Variants in PRDM16 observed in about 807,000 individuals in gnomAD.
PRDM16 encodes the protein histone-lysine N-methyltransferase PRDM16.
A neutral mutation model predicts 110.6 loss-of-function variants in PRDM16; 23 were observed. The ratio of observed to expected loss-of-function variants is 0.21; its 90% CI spans 0.15 to 0.29. The LOEUF is 0.29. Ranked by LOEUF, PRDM16 falls within the 10% of genes least tolerant of loss-of-function variation. The probability of loss-of-function intolerance (pLI) is 1.00; values close to 1 mark genes in which losing one functional copy is unlikely to be tolerated. For missense variants in PRDM16, 1,615 were observed against 1,794.3 expected (o/e 0.90, Z 1.81); for synonymous variants, 799 against 781.8 (o/e 1.02, Z -0.37).
chr1:3,226,401 C>G (rs1395525632), intron 2 of PRDM16, among the ~76,000 whole-genome samples: 1 of 152,200 alleles, frequency 6.6e-6, no homozygotes, highest in Admixed American at 6.5e-5. Context: ...CCGGATCCCT[C>G]CACGGCTTCC....
At chr1:3,090,688 C>T (rs765823504) in intron 1 of PRDM16, among the ~76,000 whole-genome samples, 3 of 152,254 alleles carry the variant, frequency 2.0e-5, no homozygotes, top group Non-Finnish European at 4.4e-5. Context: ...CAACAGGTCA[C>T]GTCAGAACCC....
intron 3 of PRDM16, among the ~76,000 whole-genome samples, chr1:3,286,380 GC>G (rs1640844564): frequency 6.6e-6 from 1 of 152,202 alleles, no homozygotes; most frequent in Non-Finnish European, 1.5e-5. Flanking sequence ...GCCTGGCAGA[GC>G]CCCAGGTGGG....
At chr1:3,320,935 C>T (rs940301689) in intron 3 of PRDM16, among the ~76,000 whole-genome samples, 4 of 152,208 alleles carry the variant, frequency 2.6e-5, no homozygotes, top group Non-Finnish European at 4.4e-5. Context: ...CCCACTTGAT[C>T]CAGCCCCCAG....
chr1:3,086,033 C>G (rs1293223410), intron 1 of PRDM16, among the ~76,000 whole-genome samples: 1 of 152,252 alleles, frequency 6.6e-6, no homozygotes, highest in Non-Finnish European at 1.5e-5. Flanking sequence ...TGGCCTAAGT[C>G]AGTCTCAGAA....
chr1:3,385,055 T>G, intron 3 of PRDM16, 97 bp from the exon 4 acceptor site: 39 of 1,489,672 alleles, frequency 2.6e-5, no homozygotes, highest in Non-Finnish European at 3.3e-5. Context: ...CCTTCCTACT[T>G]GAGCCCAAAC....
intron 3 of PRDM16, among the ~76,000 whole-genome samples, chr1:3,301,057 ACAGTGG>A (rs1483321188): frequency 6.6e-6 from 1 of 152,224 alleles, no homozygotes. Flanking sequence ...TGGGCCGGGC[ACAGTGG>A]CTCATACCTG....
intron 3 of PRDM16, among the ~76,000 whole-genome samples, chr1:3,281,807 G>A (rs753305833): frequency 1.4e-4 from 22 of 152,260 alleles, no homozygotes; most frequent in Non-Finnish European, 2.8e-4. Flanking sequence ...GCTATGGTCC[G>A]ATCGATGAGT....
At chr1:3,216,288 C>T (rs1225832393) in intron 2 of PRDM16, among the ~76,000 whole-genome samples, 1 of 152,084 alleles carries the variant, frequency 6.6e-6, no homozygotes, top group African/African-American at 2.4e-5. Context: ...AAGCGTCCAA[C>T]CCGCAGAAAG....
At chr1:3,259,459 TG>T (rs2100245962) in intron 3 of PRDM16, among the ~76,000 whole-genome samples, 1 of 152,318 alleles carries the variant, frequency 6.6e-6, no homozygotes, top group East Asian at 1.9e-4. Flanking sequence ...TGGTGAGTTC[TG>T]GGGGCCACAC....
Position 3,405,356 on chromosome 1 carries a change from G to A in PRDM16, c.1033-139G>A, listed in dbSNP as rs577172186. 265 of 965,210 alleles carry A rather than the reference G, an allele frequency of 2.7e-4. No homozygotes were observed. In the African/African-American group the frequency reaches 3.0e-3, roughly 11 times the overall value. The allele number at this position is 965,210 out of a possible 1,614,324, so 59.8% of individuals were successfully genotyped here. A position where few individuals can be genotyped will look rare whatever the true frequency, so the allele number is the denominator to read the frequency against. ...TCCTTGCTACACAGAGACCTGTCCC[G>A]GCCTGCTTGGTGCAGACTGCAACGT... On this transcript the variant is annotated intron_variant, in intron 7 of 16. Transcript: ENST00000270722.
intron 1 of PRDM16, among the ~76,000 whole-genome samples, chr1:3,177,726 G>T (rs1644105983): frequency 6.6e-6 from 1 of 152,224 alleles, no homozygotes; most frequent in Non-Finnish European, 1.5e-5. Context: ...GTCAACCAGG[G>T]ACCATGTTTC....
chr1:3,168,689 G>C (rs1229304734), intron 1 of PRDM16, among the ~76,000 whole-genome samples: 1 of 151,758 alleles, frequency 6.6e-6, no homozygotes, highest in Non-Finnish European at 1.5e-5. Context: ...TGATTAATTG[G>C]ATTAATGTGC....
intron 2 of PRDM16, among the ~76,000 whole-genome samples, chr1:3,242,366 G>GC (rs1385544944): frequency 6.6e-6 from 1 of 152,206 alleles, no homozygotes; most frequent in Non-Finnish European, 1.5e-5. Context: ...CAGTTTCTCT[G>GC]CCCGGGGCGG....
At chr1:3,139,723 A>T (rs946042793) in intron 1 of PRDM16, among the ~76,000 whole-genome samples, 2 of 152,202 alleles carry the variant, frequency 1.3e-5, no homozygotes, top group Non-Finnish European at 2.9e-5. Context: ...GGAGGGCGTC[A>T]CCTCGGAAGC....
At chr1:3,406,862 C>T (rs1643571493) in intron 8 of PRDM16, among the ~76,000 whole-genome samples, 1 of 152,222 alleles carries the variant, frequency 6.6e-6, no homozygotes, top group Admixed American at 6.5e-5. Flanking sequence ...CCTGAAGGGT[C>T]CTGTCTGCTG....
intron 3 of PRDM16, among the ~76,000 whole-genome samples, chr1:3,373,534 C>A (rs1642942338): frequency 6.6e-6 from 1 of 152,214 alleles, no homozygotes; most frequent in Non-Finnish European, 1.5e-5. Flanking sequence ...CCATGGAAAT[C>A]CGTCTCTGTG....
chr1:3,385,586 C>T (rs1030593397), intron 4 of PRDM16, among the ~76,000 whole-genome samples: 6 of 152,322 alleles, frequency 3.9e-5, no homozygotes, highest in Admixed American at 2.0e-4. Flanking sequence ...GGCAGGACCG[C>T]GGATCACAGG....
rs374390870 is a variant in PRDM16, at chr1:3,414,517, G to A, written c.2604-43G>A. 1.4e-3 allele frequency: 2,158 copies of A among 1,497,260 alleles called. 5 individuals carry two copies. The highest frequency in any genetic ancestry group is 1.7e-3 in the Non-Finnish European group (1,857 of 1,087,520). The allele number at this position is 1,497,260 out of a possible 1,614,324, so 92.7% of individuals were successfully genotyped here. On this transcript the variant is annotated intron_variant, in intron 9 of 16. Coordinates refer to ENST00000270722, the MANE Select transcript of PRDM16 (RefSeq NM_022114.4). ...TGTGGAGCGGGTGGCTCGGCGGGGC[G>A]GGCGGCTCGGTGGGGTACGTAACCC...
At position 3,435,740 on chromosome 1, in the gene PRDM16, G is replaced by GGA. The variant is rs1317190534; in HGVS notation, c.*1930_*1931insAG. The GGA allele has an allele frequency of 1.3e-5, 3 of 232,704 alleles. No individual in the cohort carries two copies. Among genetic ancestry groups the GGA allele is most frequent in the East Asian group, 1.2e-4 (2 of 16,512 alleles). The allele number at this position is 232,704 out of a possible 1,614,324, so 14.4% of individuals were successfully genotyped here. On this transcript the variant is annotated 3_prime_UTR_variant, in exon 17 of 17. Transcript: ENST00000270722. ...CCCCAGCGGTGACGGGAGGTGTCCTGGCTGCTCCAGGACAAAAGACAATCG... is the reference window on the plus strand; with the variant it reads ...CCCCAGCGGTGACGGGAGGTGTCCTGGAGCTGCTCCAGGACAAAAGACAATCG...
Sources: gnomAD v4.1 joint callset for allele counts (sites outside exome capture counted in the v4.1 genomes callset) on GRCh38, gnomAD v4.1.1 for gene constraint, MANE v1.5 for transcripts, NCBI Gene and HGNC (gene_info 2026-07-23, HGNC 2026-07-21) for gene names.